GRIA2: variants seen among roughly 807,000 people sequenced by gnomAD.
The protein encoded by GRIA2 is glutamate ionotropic receptor AMPA type subunit 2.
GRIA2 carries 14 observed loss-of-function variants against 97.3 expected under a neutral mutation model. The observed-to-expected ratio is 0.14, with a 90% CI of 0.10 to 0.23. The LOEUF is 0.23. Ranked by LOEUF, GRIA2 falls within the 10% of genes least tolerant of loss-of-function variation. GRIA2 has a pLI of 1.00. For missense variants in GRIA2, 558 were observed against 1,069.8 expected (o/e 0.52, Z 6.67); for synonymous variants, 412 against 387.8 (o/e 1.06, Z -0.73).
chr4:157,231,166 G>A (rs554998060), intron 2 of GRIA2, among the ~76,000 whole-genome samples: 9 of 152,098 alleles, frequency 5.9e-5, no homozygotes, highest in Non-Finnish European at 1.2e-4. Context: ...AGCCTCCCCA[G>A]TAGCTGGGAC....
Position 157,333,234 on chromosome 4 carries a change from C to G in GRIA2, c.1051-15C>G. Reference sequence around the variant, plus strand: ...GTAAATATATAACTCTGCTGCTTTCCCATTTCTTCATTAGGTTCAGGTTGA... The same window carrying G: ...GTAAATATATAACTCTGCTGCTTTCGCATTTCTTCATTAGGTTCAGGTTGA... On this transcript the variant is annotated splice_polypyrimidine_tract_variant and intron_variant, in intron 7 of 15. Coordinates refer to ENST00000264426, the MANE Select transcript of GRIA2 (RefSeq NM_001083619.3). The G allele has an allele frequency of 7.0e-7, 1 of 1,421,482 alleles. No homozygotes were observed. Among genetic ancestry groups the G allele is most frequent in the South Asian group, 1.2e-5 (1 of 83,258 alleles). The allele number at this position is 1,421,482 out of a possible 1,614,324, so 88.1% of individuals were successfully genotyped here.
chr4:157,313,788 C>T (rs1391035096), intron 4 of GRIA2, among the ~76,000 whole-genome samples: 3 of 151,650 alleles, frequency 2.0e-5, no homozygotes, highest in Admixed American at 2.0e-4. Context: ...TATATGTGCA[C>T]ATATATGTAT....
In GRIA2 at chr4:157,303,752, C is replaced by A. The variant is rs201110038; in HGVS notation, c.430C>A (p.Gln144Lys). 1 of 1,613,726 alleles carries A rather than the reference C, an allele frequency of 6.2e-7. No homozygotes were observed. The highest frequency in any genetic ancestry group is 1.7e-5 in the Admixed American group (1 of 60,008). Residue 144 changes from glutamine to lysine, a missense_variant, in exon 3 of 16, where the codon CAA (glutamine) becomes AAA (lysine). By Grantham distance (53) the Gln-to-Lys change is moderately conservative (BLOSUM62 1). This residue lies in a region of GRIA2 where 96 missense variants were observed against 176.6 expected (regional missense o/e 0.54). Transcript: ENST00000264426. ...GALLSLIEYY[Q>K]WDKFAYLYDS... ...TCTCCTTAGCTTGATTGAATACTAT[C>A]AATGGGACAAGTTTGCATACCTCTA...
chr4:157,222,615 G>T (rs1207520626), intron 2 of GRIA2, among the ~76,000 whole-genome samples: 1 of 152,246 alleles, frequency 6.6e-6, no homozygotes, highest in East Asian at 1.9e-4. Flanking sequence ...TTCTCAGGTA[G>T]CTGGGCTCCA....
intron 2 of GRIA2, among the ~76,000 whole-genome samples, chr4:157,238,108 TG>T (rs1019618920): frequency 1.3e-5 from 2 of 152,146 alleles, no homozygotes; most frequent in African/African-American, 4.8e-5. Flanking sequence ...ATCCCCGGTT[TG>T]TCTTAAGAAT....
chr4:157,263,895 C>T (rs1731656691), intron 2 of GRIA2, among the ~76,000 whole-genome samples: 1 of 152,048 alleles, frequency 6.6e-6, no homozygotes, highest in Non-Finnish European at 1.5e-5. Context: ...TTACAATTAA[C>T]TTTATTTTTC....
chr4:157,321,623 CTT>C, intron 6 of GRIA2, 24 bp downstream of exon 6: 1 of 1,558,228 alleles, frequency 6.4e-7, no homozygotes, highest in African/African-American at 1.4e-5. Flanking sequence ...TCTGTCTTTT[CTT>C]TTTCTTTCAT....
intron 2 of GRIA2, among the ~76,000 whole-genome samples, chr4:157,227,252 A>G (rs749762239): frequency 9.9e-5 from 15 of 152,170 alleles, no homozygotes; most frequent in Non-Finnish European, 1.9e-4. Context: ...AGTGCTAGGG[A>G]CATTGTACTG....
At chr4:157,354,118 A>AT in intron 12 of GRIA2, among the ~76,000 whole-genome samples, 1 of 152,180 alleles carries the variant, frequency 6.6e-6, no homozygotes, top group African/African-American at 2.4e-5. Flanking sequence ...GAAACATGAC[A>AT]TTTTAGGAGA....
chr4:157,340,782 T>G (rs191049970), intron 11 of GRIA2, among the ~76,000 whole-genome samples: 80 of 152,138 alleles, frequency 5.3e-4, no homozygotes, highest in African/African-American at 1.8e-3. Context: ...CTTTTTTGTT[T>G]TGGAAATTCA....
intron 2 of GRIA2, among the ~76,000 whole-genome samples, chr4:157,256,259 TATATTAC>T (rs1224673112): frequency 7.3e-6 from 1 of 137,060 alleles, no homozygotes; most frequent in Non-Finnish European, 1.5e-5. Context: ...ATATAAATTA[TATATTAC>T]ATATATATGT....
intron 2 of GRIA2, among the ~76,000 whole-genome samples, chr4:157,288,363 T>C (rs986292078): frequency 5.3e-5 from 8 of 151,728 alleles, no homozygotes; most frequent in Admixed American, 4.0e-4. Context: ...CCATTATTTT[T>C]TCTCTTTTAA....
chr4:157,248,363 A>G (rs1039202409), intron 2 of GRIA2, among the ~76,000 whole-genome samples: 3 of 150,440 alleles, frequency 2.0e-5, no homozygotes, highest in African/African-American at 7.3e-5. Flanking sequence ...TAAAAATACA[A>G]AATATTAAAT....
rs1729460888 is a variant in GRIA2, at chr4:157,220,864, C to T, written c.-179C>T. 1 of 599,142 alleles carries T rather than the reference C, an allele frequency of 1.7e-6. No homozygotes were observed. Among genetic ancestry groups the T allele is most frequent in the Non-Finnish European group, 3.0e-6 (1 of 335,756 alleles). 37.1% of individuals were successfully genotyped at this position (599,142 alleles called of 1,614,324 possible). A position where few individuals can be genotyped will look rare whatever the true frequency, so the allele number is the denominator to read the frequency against. ...ACAGGGCGCAGGGCATCAGCAGCCA[C>T]CAGCAGGACCTGGGAAATAGGGATT... On this transcript the variant is annotated 5_prime_UTR_variant, in exon 1 of 16. Transcript: ENST00000264426.
At chr4:157,260,571 A>G (rs537295442) in intron 2 of GRIA2, among the ~76,000 whole-genome samples, 3 of 152,198 alleles carry the variant, frequency 2.0e-5, no homozygotes, top group South Asian at 4.1e-4. Context: ...GAATTTCCAT[A>G]TATCACTTTC....
chr4:157,235,000 T>C lies in GRIA2; in HGVS notation c.229+13193T>C, dbSNP rs150182422. Among the ~76,000 whole-genome samples the C allele has an allele frequency of 6.9e-3, 1,048 of 152,226 alleles. 13 individuals are homozygous for C. Among genetic ancestry groups the C allele is most frequent in the Non-Finnish European group, 6.9e-3 (472 of 67,962 alleles). On this transcript the variant is annotated intron_variant, in intron 2 of 15. Coordinates refer to ENST00000264426, the MANE Select transcript of GRIA2 (RefSeq NM_001083619.3). ...CTTATTCTGAATTGACTCTTATTCT[T>C]CTTATGTTGCCTTATATTGCAGTAA...
intron 2 of GRIA2, among the ~76,000 whole-genome samples, chr4:157,295,457 C>G (rs1358970565): frequency 6.6e-6 from 1 of 151,984 alleles, no homozygotes; most frequent in African/African-American, 2.4e-5. Flanking sequence ...CTTTGCATTT[C>G]CTCTGAATCA....
intron 3 of GRIA2, among the ~76,000 whole-genome samples, chr4:157,309,780 G>A (rs912010021): frequency 5.3e-5 from 8 of 152,082 alleles, no homozygotes; most frequent in Non-Finnish European, 1.0e-4. Context: ...GTCAAAAGTT[G>A]AGACATAATA....
chr4:157,299,782 C>T (rs1469423362), intron 2 of GRIA2, among the ~76,000 whole-genome samples: 1 of 152,136 alleles, frequency 6.6e-6, no homozygotes, highest in Admixed American at 6.6e-5. Flanking sequence ...CTGAGTTTCT[C>T]AAAGTTGATA....
Sources: allele counts gnomAD v4.1 joint callset (sites outside exome capture counted in the v4.1 genomes callset), GRCh38; gene constraint gnomAD v4.1.1; regional missense constraint gnomAD v4.1.1; transcripts MANE v1.5; gene names NCBI Gene and HGNC (gene_info 2026-07-23, HGNC 2026-07-21).